The following CLIP4 variants were observed in gnomAD, a reference collection of about 807,000 sequenced individuals.
CLIP4 encodes the protein CAP-Gly domain containing linker protein family member 4, also known as CAP-Gly domain-containing linker protein 4.
A neutral mutation model predicts 73.1 loss-of-function variants in CLIP4; 47 were observed. The observed-to-expected ratio is 0.64, with a 90% CI of 0.51 to 0.82. CLIP4 has a LOEUF of 0.82. CLIP4 is among the 40% of genes least tolerant of loss of function. CLIP4 has a pLI of 0.00. For missense variants in CLIP4, 874 were observed against 852.9 expected (o/e 1.02, Z -0.31); for synonymous variants, 306 against 295.4 (o/e 1.04, Z -0.37).
chr2:29,160,517 G>T (rs377684628), intron 12 of CLIP4, 50 bp downstream of exon 12: 7 of 1,584,782 alleles, frequency 4.4e-6, no homozygotes, highest in Non-Finnish European at 5.2e-6. Flanking sequence ...AGTACAAAAG[G>T]TTTAAAATTT....
chr2:29,123,428 TAG>T (rs1436759194), intron 2 of CLIP4, among the ~76,000 whole-genome samples: 1 of 152,052 alleles, frequency 6.6e-6, no homozygotes, highest in African/African-American at 2.4e-5. Flanking sequence ...AACAAATGAA[TAG>T]ACAAAGCAAA....
rs1483474652 is a variant in CLIP4 at position 29,147,207 on chromosome 2, A to G, written c.1021+1840A>G. On this transcript the variant is annotated intron_variant, in intron 8 of 15. Coordinates refer to ENST00000320081, the MANE Select transcript of CLIP4 (RefSeq NM_024692.6). Reference sequence around the variant, plus strand: ...AATTGGTATTTCTCTTATTGTGGTGAAATAGAACACTTTTTAAAGTGTTTT... The same window carrying G: ...AATTGGTATTTCTCTTATTGTGGTGGAATAGAACACTTTTTAAAGTGTTTT... Among the ~76,000 whole-genome samples, 2 of 152,006 alleles carry G rather than the reference A, an allele frequency of 1.3e-5. 1 individual carries two copies. Among genetic ancestry groups the G allele is most frequent in the East Asian group, 3.9e-4 (2 of 5,194 alleles).
At chr2:29,151,019 C>T (rs969860884) in intron 8 of CLIP4, among the ~76,000 whole-genome samples, 3 of 152,122 alleles carry the variant, frequency 2.0e-5, no homozygotes, top group African/African-American at 7.2e-5. Context: ...ATTCATTCAT[C>T]ATATTGGCAG....
At chr2:29,127,582 C>G (rs550047557) in intron 2 of CLIP4, among the ~76,000 whole-genome samples, 3 of 152,238 alleles carry the variant, frequency 2.0e-5, no homozygotes, top group Admixed American at 6.5e-5. Context: ...TCACCCTCAT[C>G]AGTTCATTCA....
chr2:29,131,983 G>T, intron 3 of CLIP4, 169 bp from the exon 4 acceptor site: 1 of 510,566 alleles, frequency 2.0e-6, no homozygotes, highest in Non-Finnish European at 3.4e-6. Flanking sequence ...CATTATTGTT[G>T]TTGAGTACAG....
chr2:29,158,549 G>A (rs2148047327), intron 11 of CLIP4, among the ~76,000 whole-genome samples: 1 of 152,238 alleles, frequency 6.6e-6, no homozygotes, highest in African/African-American at 2.4e-5. Context: ...ATATGGGAAA[G>A]TCTGTGTTGG....
chr2:29,135,493 T>C, intron 5 of CLIP4, 55 bp from the exon 6 acceptor site: 1 of 1,329,172 alleles, frequency 7.5e-7, no homozygotes. Flanking sequence ...TTCTTTTAAA[T>C]TATGATAGCT....
At chr2:29,130,772 AC>A (rs1349979663) in intron 2 of CLIP4, 158 of 1,281,346 alleles carry the variant, frequency 1.2e-4, no homozygotes, top group Middle Eastern at 1.2e-3. Flanking sequence ...AGAAGTAAGA[AC>A]TATGTGTACA....
chr2:29,179,659 A>G (rs1365435868), intron 15 of CLIP4, among the ~76,000 whole-genome samples: 1 of 152,212 alleles, frequency 6.6e-6, no homozygotes, highest in Non-Finnish European at 1.5e-5. Flanking sequence ...TCAGGAAATG[A>G]TAGCTATTGT....
intron 1 of CLIP4, among the ~76,000 whole-genome samples, chr2:29,118,007 A>T (rs1255877032): frequency 1.3e-5 from 2 of 152,248 alleles, no homozygotes; most frequent in Non-Finnish European, 2.9e-5. Flanking sequence ...AGTAGATTGT[A>T]CAGATGTTAT....
chr2:29,168,551 C>A, intron 14 of CLIP4, among the ~76,000 whole-genome samples: 1 of 102,660 alleles, frequency 9.7e-6, no homozygotes. Context: ...TGAGACGAGT[C>A]TCTCTCTGTT....
chr2:29,121,455 A>T lies in CLIP4; in HGVS notation c.67A>T (p.Ile23Leu). The part of the protein sequence containing the change: ...GNPLFGRYPF[I>L]FSASDTPVIF... ...TCCTTTGTTTGGAAGATACCCATTTATATTTTCTGCTTCTGATACCCCAGT... is the reference window on the plus strand; with the variant it reads ...TCCTTTGTTTGGAAGATACCCATTTTTATTTTCTGCTTCTGATACCCCAGT... Residue 23 changes from isoleucine (I) to leucine (L), a missense_variant, in exon 2 of 16, where the codon ATA (isoleucine) becomes TTA (leucine). By Grantham distance (5) the Ile-to-Leu change is conservative. Coordinates refer to ENST00000320081, the MANE Select transcript of CLIP4 (RefSeq NM_024692.6). 6.2e-7 allele frequency: 1 copy of T among 1,613,736 alleles called. No homozygotes were observed. The highest frequency in any genetic ancestry group is 1.1e-5 in the South Asian group (1 of 91,060).
intron 1 of CLIP4, among the ~76,000 whole-genome samples, chr2:29,106,965 T>TG (rs1558504650): frequency 1.3e-5 from 2 of 152,178 alleles, no homozygotes; most frequent in South Asian, 4.1e-4. Context: ...TATGGTTAGG[T>TG]GGGGAATGTC....
chr2:29,171,254 ATCT>A (rs943857966), intron 14 of CLIP4, among the ~76,000 whole-genome samples: 15 of 152,164 alleles, frequency 9.9e-5, no homozygotes, highest in Non-Finnish European at 1.9e-4. Flanking sequence ...ATTTATTTAT[ATCT>A]TCTTTGATTT....
chr2:29,115,740 C>T lies in CLIP4; in HGVS notation c.-16+75C>T, dbSNP rs2148449171. 6.7e-6 allele frequency: 1 copy of T among 149,666 alleles called. No homozygotes were observed. The highest frequency in any genetic ancestry group is 2.0e-4 in the East Asian group (1 of 5,072). The allele number at this position is 149,666 out of a possible 1,614,324, so 9.3% of individuals were successfully genotyped here. A position where few individuals can be genotyped will look rare whatever the true frequency, so the allele number is the denominator to read the frequency against. ...CGGGGTTGGGGCCGGGGTGGGCGGCCCTGGGGGCCCGCGGGGAGGTCAGTG... is the reference window on the plus strand; with the variant it reads ...CGGGGTTGGGGCCGGGGTGGGCGGCTCTGGGGGCCCGCGGGGAGGTCAGTG... On this transcript the variant is annotated intron_variant, in intron 1 of 15. Transcript: ENST00000320081. The surrounding 1 kb of genome is among the most constrained non-coding windows in gnomAD (Gnocchi z 5.1).
intron 15 of CLIP4, among the ~76,000 whole-genome samples, chr2:29,176,619 C>G (rs1215282260): frequency 6.6e-6 from 1 of 152,162 alleles, no homozygotes; most frequent in Non-Finnish European, 1.5e-5. Context: ...ACTGTATGTC[C>G]AGTGCCAAGA....
intron 1 of CLIP4, among the ~76,000 whole-genome samples, chr2:29,101,319 A>T (rs910995930): frequency 6.6e-6 from 1 of 151,752 alleles, no homozygotes; most frequent in African/African-American, 2.4e-5. Context: ...AAAGAAAAAA[A>T]AAAAAAGTAG....
At chr2:29,156,208 G>C (rs1666912688) in intron 9 of CLIP4, 146 bp from the exon 10 acceptor site, 2 of 534,322 alleles carry the variant, frequency 3.7e-6, no homozygotes, top group Non-Finnish European at 6.5e-6. Context: ...ACCAAAACAT[G>C]TCCTCATATG....
At chr2:29,177,626 G>A (rs984361124) in intron 15 of CLIP4, among the ~76,000 whole-genome samples, 4 of 151,854 alleles carry the variant, frequency 2.6e-5, no homozygotes, top group African/African-American at 4.8e-5. Context: ...CGATCTCTGC[G>A]TTTCCTTTTC....
Sources: allele counts gnomAD v4.1 joint callset (sites outside exome capture counted in the v4.1 genomes callset), GRCh38; gene constraint gnomAD v4.1.1; non-coding constraint Gnocchi (gnomAD v3.1); transcripts MANE v1.5; gene names NCBI Gene and HGNC (gene_info 2026-07-23, HGNC 2026-07-21).